GRIK4: variants seen among roughly 807,000 people sequenced by gnomAD.
GRIK4 encodes glutamate ionotropic receptor kainate type subunit 4.
GRIK4 carries 40 observed loss-of-function variants against 104.9 expected under a neutral mutation model. That is an observed-to-expected ratio of 0.38 (90% CI 0.30 to 0.50). The LOEUF (loss-of-function observed/expected upper bound fraction) is 0.50. Among genes scored for constraint, GRIK4 ranks in the 20% least tolerant of loss-of-function variants. The pLI is 0.93. For missense variants in GRIK4, 1,047 were observed against 1,308.1 expected, an observed-to-expected ratio of 0.80 and a Z score of 3.08; for synonymous variants, 485 against 524.9, an observed-to-expected ratio of 0.92 and a Z score of 1.04.
intron 13 of GRIK4, among the ~76,000 whole-genome samples, chr11:120,931,807 A>G (rs1251713018): frequency 6.6e-6 from 1 of 152,152 alleles, no homozygotes; most frequent in Non-Finnish European, 1.5e-5. Flanking sequence ...TGTAGAAAAT[A>G]CTTCAGGACC....
chr11:120,892,477 T>C (rs917982631), intron 11 of GRIK4, among the ~76,000 whole-genome samples: 6 of 151,976 alleles, frequency 3.9e-5, no homozygotes, highest in African/African-American at 1.2e-4. Context: ...TTGATTAGGG[T>C]GGAGGCTGGG....
chr11:120,523,645 CAG>C (rs1036082302), intron 1 of GRIK4, among the ~76,000 whole-genome samples: 1 of 152,232 alleles, frequency 6.6e-6, no homozygotes, highest in African/African-American at 2.4e-5. Context: ...GACACCGACA[CAG>C]GGTCACACAG....
chr11:120,924,316 G>A (rs992078985), intron 13 of GRIK4, among the ~76,000 whole-genome samples: 1 of 152,148 alleles, frequency 6.6e-6, no homozygotes, highest in Non-Finnish European at 1.5e-5. Flanking sequence ...CGGTACCGTG[G>A]CAGCAGCCCT....
At chr11:120,518,568 A>G (rs1947758281) in intron 1 of GRIK4, among the ~76,000 whole-genome samples, 1 of 152,152 alleles carries the variant, frequency 6.6e-6, no homozygotes, top group Non-Finnish European at 1.5e-5. Flanking sequence ...CGGGAGTGGC[A>G]GAGCTGGATC....
chr11:120,520,790 G>A (rs894346617), intron 1 of GRIK4, among the ~76,000 whole-genome samples: 1 of 152,206 alleles, frequency 6.6e-6, no homozygotes, highest in African/African-American at 2.4e-5. Flanking sequence ...TCTGATGGTA[G>A]CATTGTTAGA....
rs934882773 is a variant in GRIK4, at chr11:120,524,239, T to TC, written c.-159+12356dup. Reference sequence around the variant, plus strand: ...CGCGTCTGGCCGTTTCTGCATTCTTTCCCCAACAACCAGAACAGCACTGGG... The same window carrying TC: ...CGCGTCTGGCCGTTTCTGCATTCTTTCCCCCAACAACCAGAACAGCACTGGG... On this transcript the variant is annotated intron_variant, in intron 1 of 20. Transcript: ENST00000527524. This position sits in a 1 kb window ranked among gnomAD's most constrained non-coding sequence, Gnocchi z 4.5. Among the ~76,000 whole-genome samples, 3 of 152,154 alleles carry TC rather than the reference T, an allele frequency of 2.0e-5. No homozygotes were observed. The highest frequency in any genetic ancestry group is 1.9e-4 in the East Asian group (1 of 5,196).
Position 120,772,987 on chromosome 11 carries a change from T to A in GRIK4, c.83-29706T>A, listed in dbSNP as rs80049311. ...AATAATAAATTCAGTGCATATTTGT[T>A]GAGCATCTAGAGATTGAGTACTATT... On this transcript the variant is annotated intron_variant, in intron 3 of 20. Transcript: ENST00000527524. Among the ~76,000 whole-genome samples the A allele has an allele frequency of 6.9e-3, 1,046 of 152,356 alleles. 11 individuals carry two copies. Among genetic ancestry groups the A allele is most frequent in the African/African-American group, 0.024 (1,008 of 41,580 alleles).
chr11:120,884,656 T>C (rs556518422), intron 11 of GRIK4, among the ~76,000 whole-genome samples: 3 of 152,344 alleles, frequency 2.0e-5, no homozygotes, highest in African/African-American at 4.8e-5. Context: ...TGTGTGAAGC[T>C]GAGGGAAGCA....
intron 5 of GRIK4, among the ~76,000 whole-genome samples, chr11:120,817,054 G>A (rs763013506): frequency 6.6e-6 from 1 of 152,144 alleles, no homozygotes; most frequent in African/African-American, 2.4e-5. Context: ...CATTATTGTA[G>A]CAGTGGCTCT....
intron 1 of GRIK4, among the ~76,000 whole-genome samples, chr11:120,565,694 A>G (rs1444836345): frequency 2.0e-5 from 3 of 152,242 alleles, no homozygotes; most frequent in Non-Finnish European, 2.9e-5. Flanking sequence ...AGACCGGAGT[A>G]GAAATACAGG....
intron 3 of GRIK4, among the ~76,000 whole-genome samples, chr11:120,736,778 CT>C (rs1365421246): frequency 6.6e-6 from 1 of 150,560 alleles, no homozygotes; most frequent in African/African-American, 2.5e-5. Context: ...CTCTCTCTCT[CT>C]CTCCCCTCAC....
chr11:120,962,734 G>A, intron 18 of GRIK4, 53 bp downstream of exon 18: 1 of 1,273,842 alleles, frequency 7.9e-7, no homozygotes, highest in Non-Finnish European at 1.1e-6. Flanking sequence ...ACAGGGTCAG[G>A]GTAGCTCAAA....
chr11:120,976,209 C>T (rs1020691927), intron 19 of GRIK4, among the ~76,000 whole-genome samples: 2 of 152,236 alleles, frequency 1.3e-5, no homozygotes. Context: ...CACTTGAGCT[C>T]ATATTTTGAT....
chr11:120,565,221 T>C (rs955995616), intron 1 of GRIK4, among the ~76,000 whole-genome samples: 2 of 152,178 alleles, frequency 1.3e-5, no homozygotes, highest in South Asian at 2.1e-4. Flanking sequence ...CTGCCTGCCA[T>C]GTCGCCACCG....
intron 3 of GRIK4, among the ~76,000 whole-genome samples, chr11:120,784,648 G>A (rs997601567): frequency 3.3e-5 from 5 of 152,128 alleles, no homozygotes; most frequent in African/African-American, 1.2e-4. Flanking sequence ...GTAACATGAT[G>A]GAGATTGACA....
chr11:120,562,617 A>T (rs569517543), intron 1 of GRIK4, among the ~76,000 whole-genome samples: 91 of 152,290 alleles, frequency 6.0e-4, no homozygotes, highest in African/African-American at 2.1e-3. Context: ...GGCTGGAGCC[A>T]GGGTACAAGG....
chr11:120,628,486 A>G (rs2135178085), intron 1 of GRIK4, among the ~76,000 whole-genome samples: 1 of 152,172 alleles, frequency 6.6e-6, no homozygotes, highest in Non-Finnish European at 1.5e-5. Context: ...GTAAAAACAC[A>G]CCTTGGAGAT....
At chr11:120,750,403 G>C (rs529508699) in intron 3 of GRIK4, among the ~76,000 whole-genome samples, 1 of 131,992 alleles carries the variant, frequency 7.6e-6, no homozygotes, top group Non-Finnish European at 1.5e-5. Context: ...GTCTCGCTCC[G>C]TGGTCCAGGC....
chr11:120,825,436 C>T (rs1026631115), intron 6 of GRIK4, among the ~76,000 whole-genome samples: 4 of 152,212 alleles, frequency 2.6e-5, no homozygotes, highest in African/African-American at 4.8e-5. Flanking sequence ...GTGTCCACAC[C>T]GAGGAAATGC....
Sources: allele counts gnomAD v4.1 joint callset (sites outside exome capture counted in the v4.1 genomes callset), GRCh38; gene constraint gnomAD v4.1.1; non-coding constraint Gnocchi (gnomAD v3.1); transcripts MANE v1.5; gene names NCBI Gene and HGNC (gene_info 2026-07-23, HGNC 2026-07-21).